UGT1A7: variants seen among roughly 807,000 people sequenced by gnomAD.
The protein encoded by UGT1A7 is UDP-glucuronosyltransferase 1A7.
Under a neutral mutation model 45.6 loss-of-function variants are expected in UGT1A7, and 33 were observed. The ratio of observed to expected loss-of-function variants is 0.72; its 90% CI spans 0.55 to 0.97. The LOEUF (loss-of-function observed/expected upper bound fraction) is 0.97. Among genes scored for constraint, UGT1A7 ranks in the 50% least tolerant of loss-of-function variants. UGT1A7 has a pLI of 0.00. For missense variants in UGT1A7, 684 were observed against 666.2 expected, an observed-to-expected ratio of 1.03 and a Z score of -0.29; for synonymous variants, 274 against 250.6, an observed-to-expected ratio of 1.09 and a Z score of -0.88.
At chr2:233,711,892 T>C (rs2076203000) in intron 1 of UGT1A7, among the ~76,000 whole-genome samples, 1 of 152,214 alleles carries the variant, frequency 6.6e-6, no homozygotes, top group Admixed American at 6.5e-5. Context: ...ACGAGTCTCA[T>C]GGGCGTGAGA....
intron 1 of UGT1A7, among the ~76,000 whole-genome samples, chr2:233,705,875 G>C (rs923785055): frequency 6.6e-6 from 1 of 152,126 alleles, no homozygotes; most frequent in Non-Finnish European, 1.5e-5. Flanking sequence ...ATCACTTGAG[G>C]CCAGGAGTTC....
intron 1 of UGT1A7, among the ~76,000 whole-genome samples, chr2:233,731,443 A>T (rs1454416898): frequency 6.6e-6 from 1 of 151,114 alleles, no homozygotes; most frequent in Non-Finnish European, 1.5e-5. Context: ...CCAGTCCCCC[A>T]CCCCACAACA....
Position 233,693,020 on chromosome 2 carries a change from C to T in UGT1A7, c.855+10228C>T, listed in dbSNP as rs546429827. 196 of 1,614,146 alleles carry T rather than the reference C, an allele frequency of 1.2e-4. No homozygotes were observed. The highest frequency in any genetic ancestry group is 6.3e-4 in the Admixed American group (38 of 60,026). ...TCTTTCCAGGATGGCCTGCCTCCTTCGCTCATTTCAGAGAATTTCTGCAGG... is the reference window on the plus strand; with the variant it reads ...TCTTTCCAGGATGGCCTGCCTCCTTTGCTCATTTCAGAGAATTTCTGCAGG... On this transcript the variant is annotated intron_variant, in intron 1 of 4. Transcript: ENST00000373426.
At chr2:233,743,773 C>CT in intron 1 of UGT1A7, 1 of 1,367,366 alleles carries the variant, frequency 7.3e-7, no homozygotes, top group Non-Finnish European at 9.8e-7. Flanking sequence ...CCTCGGCCAC[C>CT]TGCTTGAATC....
At chr2:233,687,962 A>G (rs2074871395) in intron 1 of UGT1A7, among the ~76,000 whole-genome samples, 1 of 152,230 alleles carries the variant, frequency 6.6e-6, no homozygotes, top group Non-Finnish European at 1.5e-5. Context: ...ATTGATATGT[A>G]ATTCATGTAT....
At chr2:233,736,140 G>A (rs1255229589) in intron 1 of UGT1A7, among the ~76,000 whole-genome samples, 1 of 152,150 alleles carries the variant, frequency 6.6e-6, no homozygotes, top group Non-Finnish European at 1.5e-5. Flanking sequence ...ATCACTTTCA[G>A]GTACACCAGT....
intron 1 of UGT1A7, among the ~76,000 whole-genome samples, chr2:233,705,256 ATGGGGTCACT>A (rs1239018382): frequency 6.6e-6 from 1 of 152,108 alleles, no homozygotes; most frequent in Admixed American, 6.6e-5. Flanking sequence ...AGATTATTCT[ATGGGGTCACT>A]TGCTTTCAAC....
In UGT1A7 at chr2:233,769,710, C is replaced by T. The variant is rs1472517831; in HGVS notation, c.1295+1271C>T. 9.9e-6 allele frequency: 15 copies of T among 1,507,706 alleles called. No homozygotes were observed. Among genetic ancestry groups the T allele is most frequent in the African/African-American group, 1.4e-5 (1 of 72,712 alleles). The allele number at this position is 1,507,706 out of a possible 1,614,324, so 93.4% of individuals were successfully genotyped here. A position where few individuals can be genotyped will look rare whatever the true frequency, so the allele number is the denominator to read the frequency against. On this transcript the variant is annotated intron_variant, in intron 4 of 4. Transcript: ENST00000373426. The surrounding 1 kb of genome is among the most constrained non-coding windows in gnomAD (Gnocchi z 4.4). ...GCACTGGATAAAAGATCAATGTTGG[C>T]TAGGCACCATGGCACACGCCTGTAG...
At chr2:233,713,374 G>C (rs758031379) in intron 1 of UGT1A7, 1 of 1,614,186 alleles carries the variant, frequency 6.2e-7, no homozygotes, top group Non-Finnish European at 8.5e-7. Flanking sequence ...CATAGGTCTT[G>C]TGTGGAGCTA....
In UGT1A7 at chr2:233,705,458, A is replaced by C. The variant is rs1256694964; in HGVS notation, c.855+22666A>C. On this transcript the variant is annotated intron_variant, in intron 1 of 4. Transcript: ENST00000373426. ...TCCTTCAGAATTGCACATATTTTTTAGCAGACACACATGAGGCAAATTTAA... is the reference window on the plus strand; with the variant it reads ...TCCTTCAGAATTGCACATATTTTTTCGCAGACACACATGAGGCAAATTTAA... Among the ~76,000 whole-genome samples the C allele has an allele frequency of 2.6e-5, 4 of 152,214 alleles. No individual in the cohort carries two copies. In the East Asian group the frequency reaches 7.7e-4, roughly 29 times the overall value.
intron 1 of UGT1A7, among the ~76,000 whole-genome samples, chr2:233,711,058 A>G (rs1484955286): frequency 6.6e-6 from 1 of 152,152 alleles, no homozygotes; most frequent in African/African-American, 2.4e-5. Context: ...CATGGCTTCA[A>G]TCACCACTTA....
At chr2:233,718,925 C>T (rs752437022) in intron 1 of UGT1A7, 5 of 1,614,078 alleles carry the variant, frequency 3.1e-6, no homozygotes, top group Middle Eastern at 1.7e-4. Context: ...TGGTGGTGCC[C>T]ACTGATGGCA....
intron 1 of UGT1A7, among the ~76,000 whole-genome samples, chr2:233,738,200 C>A (rs1199969775): frequency 6.6e-6 from 1 of 152,170 alleles, no homozygotes; most frequent in Non-Finnish European, 1.5e-5. Context: ...CTCTCTCTCA[C>A]TTTCTGCCAG....
intron 1 of UGT1A7, chr2:233,722,130 G>A (rs1389703029): frequency 1.7e-5 from 3 of 173,394 alleles, no homozygotes; most frequent in African/African-American, 7.1e-5. Context: ...CATTAGTAGA[G>A]TTTAAGACTC....
intron 1 of UGT1A7, chr2:233,713,686 C>T (rs779646185): frequency 1.2e-6 from 2 of 1,611,180 alleles, no homozygotes; most frequent in South Asian, 1.1e-5. Flanking sequence ...GCTCCTTATG[C>T]AAGCCTTGCC....
rs779879780 is a variant in UGT1A7 at position 233,772,123 on chromosome 2, AACAAC to A, written c.1296-137_1296-133del. ...GCAAGACTCTGTATCTAAAAACAAC[AACAAC>A]AACAATAATAGAAACAGGTTTCCTT... On this transcript the variant is annotated intron_variant, in intron 4 of 4. Transcript: ENST00000373426. 9.6e-4 allele frequency: 1,484 copies of A among 1,538,280 alleles called. 5 individuals are homozygous for A. The highest frequency in any genetic ancestry group is 4.4e-3 in the Admixed American group (222 of 50,484).
intron 1 of UGT1A7, among the ~76,000 whole-genome samples, chr2:233,720,633 T>C (rs2076877142): frequency 6.6e-6 from 1 of 152,112 alleles, no homozygotes; most frequent in South Asian, 2.1e-4. Context: ...ATTGAAATAG[T>C]ACTCTGGGAT....
chr2:233,723,051 G>T (rs1327620442), intron 1 of UGT1A7, among the ~76,000 whole-genome samples: 1 of 141,468 alleles, frequency 7.1e-6, no homozygotes, highest in Non-Finnish European at 1.5e-5. Context: ...GGCACACTCG[G>T]TGTAACTTTA....
At chr2:233,691,449 C>T (rs1372399366) in intron 1 of UGT1A7, 3 of 985,606 alleles carry the variant, frequency 3.0e-6, no homozygotes, top group South Asian at 4.7e-5. Flanking sequence ...CTTCTCCCTT[C>T]CTGGGCCCCA....
Sources: gnomAD v4.1 joint callset for allele counts (sites outside exome capture counted in the v4.1 genomes callset) on GRCh38, gnomAD v4.1.1 for gene constraint, Gnocchi (gnomAD v3.1) non-coding constraint, MANE v1.5 for transcripts, NCBI Gene and HGNC (gene_info 2026-07-23, HGNC 2026-07-21) for gene names.